PCDH9: variants seen among roughly 807,000 people sequenced by gnomAD.
The protein encoded by PCDH9 is protocadherin-9.
PCDH9 carries 24 observed loss-of-function variants against 70.6 expected under a neutral mutation model. The observed-to-expected ratio is 0.34, with a 90% CI of 0.25 to 0.48. The LOEUF is 0.48. PCDH9 is among the 20% of genes least tolerant of loss of function. The pLI, the probability that PCDH9 is intolerant of heterozygous loss-of-function variation, is 0.99. For missense variants in PCDH9, 1,281 were observed against 1,503.6 expected (o/e 0.85, Z 2.45); for synonymous variants, 562 against 558.5 (o/e 1.01, Z -0.09).
chr13:66,509,145 C>A (rs1289733491), intron 4 of PCDH9, among the ~76,000 whole-genome samples: 3 of 152,202 alleles, frequency 2.0e-5, no homozygotes, highest in Non-Finnish European at 2.9e-5. Flanking sequence ...CCCAACTACA[C>A]TGTAAACAGA....
chr13:67,045,631 A>T (rs1312354136), intron 2 of PCDH9, among the ~76,000 whole-genome samples: 1 of 152,100 alleles, frequency 6.6e-6, no homozygotes, highest in Non-Finnish European at 1.5e-5. Context: ...AAGGCCACTA[A>T]ACTCTGGATT....
intron 4 of PCDH9, among the ~76,000 whole-genome samples, chr13:66,591,840 T>C (rs554159215): frequency 6.6e-6 from 1 of 151,614 alleles, no homozygotes; most frequent in South Asian, 2.1e-4. Flanking sequence ...AACAAGATGA[T>C]AAAATAATTT....
chr13:66,429,075 A>G (rs938647880), intron 4 of PCDH9, among the ~76,000 whole-genome samples: 5 of 149,260 alleles, frequency 3.3e-5, no homozygotes, highest in Non-Finnish European at 7.4e-5. Context: ...GTTTTATATT[A>G]CTGACCTGAA....
intron 4 of PCDH9, among the ~76,000 whole-genome samples, chr13:66,565,237 T>C (rs1428439926): frequency 6.6e-6 from 1 of 152,192 alleles, no homozygotes; most frequent in Non-Finnish European, 1.5e-5. Flanking sequence ...ACTTTGAAAC[T>C]CCAAGAATGT....
intron 2 of PCDH9, among the ~76,000 whole-genome samples, chr13:67,186,985 A>G (rs1186347537): frequency 1.3e-5 from 2 of 152,158 alleles, no homozygotes; most frequent in African/African-American, 4.8e-5. Context: ...AGCAACTTAC[A>G]AGTATTTCAT....
intron 3 of PCDH9, among the ~76,000 whole-genome samples, chr13:66,645,257 T>C (rs1240897219): frequency 6.6e-6 from 1 of 152,122 alleles, no homozygotes; most frequent in Non-Finnish European, 1.5e-5. Context: ...TATGATCTTA[T>C]GACCCCTTCC....
intron 3 of PCDH9, among the ~76,000 whole-genome samples, chr13:66,735,454 T>C (rs2079133964): frequency 6.6e-6 from 1 of 152,142 alleles, no homozygotes; most frequent in South Asian, 2.1e-4. Flanking sequence ...CAGATGTATA[T>C]ATAACCCTAT....
At chr13:66,987,313 T>C (rs577269842) in intron 2 of PCDH9, among the ~76,000 whole-genome samples, 1 of 152,168 alleles carries the variant, frequency 6.6e-6, no homozygotes, top group Non-Finnish European at 1.5e-5. Context: ...ATGTGAAATG[T>C]CTGTAGAGCC....
intron 3 of PCDH9, among the ~76,000 whole-genome samples, chr13:66,739,987 G>A (rs374184123): frequency 3.6e-4 from 55 of 151,518 alleles, no homozygotes; most frequent in Non-Finnish European, 5.3e-4. Flanking sequence ...TGCACCAAGC[G>A]GACCTAATAG....
intron 4 of PCDH9, among the ~76,000 whole-genome samples, chr13:66,392,478 C>T (rs1481374636): frequency 6.6e-6 from 1 of 152,110 alleles, no homozygotes; most frequent in Non-Finnish European, 1.5e-5. Context: ...AGTCATAATA[C>T]TACCATTCTC....
chr13:66,684,202 C>G (rs1212661269), intron 3 of PCDH9, among the ~76,000 whole-genome samples: 1 of 152,180 alleles, frequency 6.6e-6, no homozygotes, highest in East Asian at 1.9e-4. Flanking sequence ...TACTCGACTA[C>G]TAAAGGCTAG....
chr13:66,968,079 A>G (rs1240226404), intron 2 of PCDH9, among the ~76,000 whole-genome samples: 1 of 152,078 alleles, frequency 6.6e-6, no homozygotes, highest in African/African-American at 2.4e-5. Flanking sequence ...AGAAAATCCA[A>G]ATTTACCTGC....
At chr13:66,738,112 G>A (rs866790999) in intron 3 of PCDH9, among the ~76,000 whole-genome samples, 117 of 152,304 alleles carry the variant, frequency 7.7e-4, no homozygotes, top group African/African-American at 2.7e-3. Context: ...TTTGAAGAGA[G>A]CAGTGGTTCT....
intron 4 of PCDH9, among the ~76,000 whole-genome samples, chr13:66,581,059 T>C (rs1226456141): frequency 6.6e-6 from 1 of 152,152 alleles, no homozygotes; most frequent in Non-Finnish European, 1.5e-5. Flanking sequence ...TACATTAAAG[T>C]CTTTACACCC....
intron 4 of PCDH9, among the ~76,000 whole-genome samples, chr13:66,600,636 C>T (rs946913297): frequency 2.0e-5 from 3 of 147,516 alleles, no homozygotes; most frequent in Non-Finnish European, 3.1e-5. Context: ...CTGTTTTGTG[C>T]TTTATATTTT....
intron 2 of PCDH9, among the ~76,000 whole-genome samples, chr13:66,954,170 C>A (rs1383239925): frequency 6.6e-6 from 1 of 152,092 alleles, no homozygotes; most frequent in Non-Finnish European, 1.5e-5. Flanking sequence ...TCTTAATGTT[C>A]CCCAACTGCT....
At chr13:67,000,678 T>C (rs1304358312) in intron 2 of PCDH9, among the ~76,000 whole-genome samples, 1 of 152,132 alleles carries the variant, frequency 6.6e-6, no homozygotes, top group Non-Finnish European at 1.5e-5. Context: ...TTCAATCACG[T>C]TTCTGGGAAA....
intron 4 of PCDH9, among the ~76,000 whole-genome samples, chr13:66,357,200 C>T (rs982602434): frequency 1.2e-4 from 18 of 152,026 alleles, no homozygotes; most frequent in African/African-American, 4.1e-4. Flanking sequence ...GAAAGATGCA[C>T]CAAGGTGGGC....
chr13:66,412,696 C>T (rs1957391148), intron 4 of PCDH9, among the ~76,000 whole-genome samples: 2 of 152,210 alleles, frequency 1.3e-5, no homozygotes, highest in Admixed American at 6.5e-5. Context: ...GGCTAACAGT[C>T]TGTCCATACC....
Sources: allele counts gnomAD v4.1 joint callset (sites outside exome capture counted in the v4.1 genomes callset), GRCh38; gene constraint gnomAD v4.1.1; transcripts MANE v1.5; gene names NCBI Gene and HGNC (gene_info 2026-07-23, HGNC 2026-07-21).